The following SRP54 variants were observed in gnomAD, a reference collection of about 807,000 sequenced individuals.
SRP54 encodes the protein signal recognition particle subunit SRP54.
A neutral mutation model predicts 64.8 loss-of-function variants in SRP54; 10 were observed. That is an observed-to-expected ratio of 0.15 (90% CI 0.10 to 0.26). SRP54 has a LOEUF of 0.26. Among genes scored for constraint, SRP54 ranks in the 10% least tolerant of loss-of-function variants. The pLI, the probability that SRP54 is intolerant of heterozygous loss-of-function variation, is 1.00. For missense variants in SRP54, 325 were observed against 613.7 expected (o/e 0.53, Z 4.97); for synonymous variants, 193 against 185.6 (o/e 1.04, Z -0.32).
intron 13 of SRP54, among the ~76,000 whole-genome samples, chr14:35,021,580 C>T (rs766063205): frequency 1.6e-4 from 24 of 151,304 alleles, no homozygotes; most frequent in East Asian, 1.9e-4. Context: ...TTGCAGTGAG[C>T]GAAGCTTGCA....
intron 14 of SRP54, among the ~76,000 whole-genome samples, chr14:35,026,459 C>G (rs1484035868): frequency 6.6e-6 from 1 of 151,910 alleles, no homozygotes; most frequent in East Asian, 1.9e-4. Context: ...ATCTTGAACT[C>G]CTGGGCTCAA....
chr14:35,025,303 ATGAG>A (rs1335345510), intron 14 of SRP54, among the ~76,000 whole-genome samples: 1 of 152,342 alleles, frequency 6.6e-6, no homozygotes, highest in South Asian at 2.1e-4. Context: ...TTCTAAAAGA[ATGAG>A]TATTTCCAGA....
chr14:34,985,449 A>G (rs917330872), intron 1 of SRP54, among the ~76,000 whole-genome samples: 1 of 152,136 alleles, frequency 6.6e-6, no homozygotes, highest in Admixed American at 6.5e-5. Context: ...TTCACTTGCC[A>G]TAACCATTTG....
At chr14:35,010,462 A>G (rs138436184) in intron 7 of SRP54, among the ~76,000 whole-genome samples, 1 of 152,084 alleles carries the variant, frequency 6.6e-6, no homozygotes, top group African/African-American at 2.4e-5. Context: ...AAATAAATAA[A>G]TAAATTTAAA....
intron 14 of SRP54, among the ~76,000 whole-genome samples, chr14:35,026,641 T>C (rs2044630520): frequency 6.6e-6 from 1 of 152,212 alleles, no homozygotes. Flanking sequence ...CTGAAGGTTT[T>C]CATTACTTAA....
chr14:35,011,709 T>G, intron 8 of SRP54, 50 bp downstream of exon 8: 1 of 1,403,626 alleles, frequency 7.1e-7, no homozygotes, highest in Non-Finnish European at 9.5e-7. Flanking sequence ...GTTAATTTAA[T>G]TATAAAACCA....
rs1286971946 is a variant in SRP54, at chr14:35,014,805, A to G, written c.948A>G (p.Glu316=). Residue 316 remains glutamate, a synonymous_variant, in exon 11 of 16, where the codon GAA becomes GAG. Coordinates refer to ENST00000216774, the MANE Select transcript of SRP54 (RefSeq NM_003136.4). ...KVNELKLDDN[E]ALIEKLKHGQ... ...ACGAGTTGAAGTTGGATGACAATGA[A>G]GCACTTATAGAGAAGTTGAAACATG... 6.2e-7 allele frequency: 1 copy of G among 1,613,822 alleles called. No homozygotes were observed. The highest frequency in any genetic ancestry group is 8.5e-7 in the Non-Finnish European group (1 of 1,179,920).
chr14:34,999,767 A>G (rs1422500461), intron 3 of SRP54, 118 bp downstream of exon 3: 1 of 695,170 alleles, frequency 1.4e-6, no homozygotes, highest in Non-Finnish European at 2.5e-6. Context: ...CCACTGGAAA[A>G]GTGCTGTGTT....
chr14:35,029,220 CTT>C lies in SRP54; in HGVS notation c.*72_*73del. On this transcript the variant is annotated 3_prime_UTR_variant, in exon 16 of 16. Transcript: ENST00000216774. The stretch of plus-strand genomic sequence containing the variant: ...TTGCTGAGACCTCAGCGTTTCCCTT[CTT>C]TTTGCGAATTGGGGGGAAAGTGTAT... The C allele has an allele frequency of 7.9e-7, 1 of 1,266,666 alleles. No individual in the cohort carries two copies. Among genetic ancestry groups the C allele is most frequent in the Non-Finnish European group, 1.1e-6 (1 of 898,468 alleles). The allele number at this position is 1,266,666 out of a possible 1,614,324, so 78.5% of individuals were successfully genotyped here. A position where few individuals can be genotyped will look rare whatever the true frequency, so the allele number is the denominator to read the frequency against.
At chr14:35,001,141 A>T in intron 4 of SRP54, 121 bp downstream of exon 4, 1 of 358,876 alleles carries the variant, frequency 2.8e-6, no homozygotes, top group Non-Finnish European at 4.8e-6. Flanking sequence ...GTATTAAAAT[A>T]TTAATGAAAG....
chr14:34,991,967 CTT>C (rs759828313), intron 1 of SRP54, among the ~76,000 whole-genome samples: 2 of 152,140 alleles, frequency 1.3e-5, no homozygotes, highest in African/African-American at 2.4e-5. Flanking sequence ...GAGTTTTGCT[CTT>C]GTCATCCAGG....
rs2044271750 is a variant in SRP54, at chr14:35,007,286, G to A, written c.259G>A (p.Val87Ile). 1 of 1,571,602 alleles carries A rather than the reference G, an allele frequency of 6.4e-7. No homozygotes were observed. The highest frequency in any genetic ancestry group is 8.7e-7 in the Non-Finnish European group (1 of 1,151,916). The change falls in exon 5 of 16, where the codon GTA (valine) becomes ATA (isoleucine). Residue 87 changes from valine (V) to isoleucine (I), a missense_variant. By Grantham distance (29) the Val-to-Ile change is conservative. Around this residue, in one of 3 missense-constraint regions of SRP54, gnomAD observed 156 missense variants for 254.6 expected, o/e 0.61. Coordinates refer to ENST00000216774, the MANE Select transcript of SRP54 (RefSeq NM_003136.4). Reference protein sequence around the residue: ...HAVFKELVKLVDPGVKAWTPT... With the variant: ...HAVFKELVKLIDPGVKAWTPT... ...TTAATTTATTTTTGGTATTTAGCTT[G>A]TAGACCCTGGAGTTAAGGCATGGAC... is the stretch of plus-strand genomic sequence containing the variant.
chr14:35,012,068 T>C (rs2044364475), intron 8 of SRP54, among the ~76,000 whole-genome samples: 1 of 151,824 alleles, frequency 6.6e-6, no homozygotes, highest in African/African-American at 2.4e-5. Context: ...AATACAAAAA[T>C]TATCTGGGCA....
intron 1 of SRP54, among the ~76,000 whole-genome samples, chr14:34,986,306 A>G (rs2138955507): frequency 6.6e-6 from 1 of 152,350 alleles, no homozygotes; most frequent in East Asian, 1.9e-4. Flanking sequence ...CAGAGGTGGT[A>G]TGATGCATAA....
At chr14:35,011,003 T>G (rs933937557) in intron 7 of SRP54, among the ~76,000 whole-genome samples, 1 of 152,168 alleles carries the variant, frequency 6.6e-6, no homozygotes, top group Non-Finnish European at 1.5e-5. Context: ...ATAAGCTCAC[T>G]GCAGTGTCGA....
intron 11 of SRP54, among the ~76,000 whole-genome samples, chr14:35,015,409 T>A (rs968331442): frequency 6.6e-6 from 1 of 152,110 alleles, no homozygotes; most frequent in Non-Finnish European, 1.5e-5. Flanking sequence ...AAAAGTAAGT[T>A]AGAACACAAG....
chr14:35,006,001 G>A (rs913242419), intron 4 of SRP54, among the ~76,000 whole-genome samples: 13 of 152,122 alleles, frequency 8.5e-5, no homozygotes, highest in African/African-American at 1.2e-4. Flanking sequence ...CACCACGCCC[G>A]GCTAATTTTT....
chr14:35,009,321 C>A (rs1455138688), intron 7 of SRP54, among the ~76,000 whole-genome samples: 1 of 122,742 alleles, frequency 8.1e-6, no homozygotes, highest in African/African-American at 2.8e-5. Flanking sequence ...GCTGGGATTA[C>A]AGGCTTGAGC....
intron 13 of SRP54, 123 bp from the exon 14 acceptor site, chr14:35,022,787 T>C: frequency 1.5e-6 from 1 of 653,196 alleles, no homozygotes; most frequent in Non-Finnish European, 2.3e-6. Context: ...AAAAGAAAAA[T>C]GAGATAGTTA....
Sources: allele counts gnomAD v4.1 joint callset (sites outside exome capture counted in the v4.1 genomes callset), GRCh38; gene constraint gnomAD v4.1.1; regional missense constraint gnomAD v4.1.1; transcripts MANE v1.5; gene names NCBI Gene and HGNC (gene_info 2026-07-23, HGNC 2026-07-21).